The following UST variants were observed in gnomAD, a reference collection of about 807,000 sequenced individuals.
The protein encoded by UST is uronyl 2-sulfotransferase.
Under a neutral mutation model 45.6 loss-of-function variants are expected in UST, and 21 were observed. That is an observed-to-expected ratio of 0.46 (90% CI 0.33 to 0.66). The LOEUF (loss-of-function observed/expected upper bound fraction) is 0.66. UST is among the 30% of genes least tolerant of loss of function. UST has a pLI of 0.02. For synonymous variants in UST, 215 were observed against 200.6 expected, an observed-to-expected ratio of 1.07 and a Z score of -0.61; for missense variants, 463 against 512.4, an observed-to-expected ratio of 0.90 and a Z score of 0.93.
chr6:148,758,448 G>A (rs1298872446), intron 1 of UST, among the ~76,000 whole-genome samples: 1 of 152,084 alleles, frequency 6.6e-6, no homozygotes. Context: ...GAGTATGCTG[G>A]CGCTTACTCT....
intron 1 of UST, among the ~76,000 whole-genome samples, chr6:148,829,727 T>C (rs1005726250): frequency 6.6e-6 from 1 of 152,196 alleles, no homozygotes; most frequent in Non-Finnish European, 1.5e-5. Context: ...TCAGAAACAC[T>C]TGTTTTAATA....
At chr6:148,974,470 G>C (rs1430184755) in intron 5 of UST, among the ~76,000 whole-genome samples, 1 of 152,172 alleles carries the variant, frequency 6.6e-6, no homozygotes, top group Non-Finnish European at 1.5e-5. Flanking sequence ...TTCAGACAGA[G>C]TAGAAATGAT....
intron 1 of UST, among the ~76,000 whole-genome samples, chr6:148,831,954 G>A (rs1392450761): frequency 6.6e-6 from 1 of 152,118 alleles, no homozygotes; most frequent in African/African-American, 2.4e-5. Context: ...TAAACAATGG[G>A]TCTAATACTT....
intron 1 of UST, among the ~76,000 whole-genome samples, chr6:148,755,845 A>G (rs1776084688): frequency 6.6e-6 from 1 of 152,090 alleles, no homozygotes; most frequent in Admixed American, 6.6e-5. Flanking sequence ...GTAATCATCC[A>G]GGTGAAAAAT....
intron 7 of UST, among the ~76,000 whole-genome samples, chr6:149,031,799 G>C (rs533345304): frequency 6.6e-6 from 1 of 152,228 alleles, no homozygotes; most frequent in Non-Finnish European, 1.5e-5. Flanking sequence ...GGGAAGGGCA[G>C]TATAAAGATG....
intron 2 of UST, among the ~76,000 whole-genome samples, chr6:148,892,270 G>T (rs1205193090): frequency 6.6e-6 from 1 of 152,078 alleles, no homozygotes; most frequent in Non-Finnish European, 1.5e-5. Context: ...TGATGTTTCT[G>T]TTGTTTGTGA....
At chr6:148,936,831 G>A (rs772712897) in intron 2 of UST, among the ~76,000 whole-genome samples, 1 of 151,978 alleles carries the variant, frequency 6.6e-6, no homozygotes, top group Non-Finnish European at 1.5e-5. Flanking sequence ...GAGTAGCTGG[G>A]ACTACAGGCA....
intron 1 of UST, among the ~76,000 whole-genome samples, chr6:148,760,798 A>G (rs1224099668): frequency 1.3e-5 from 2 of 152,222 alleles, no homozygotes; most frequent in Non-Finnish European, 2.9e-5. Flanking sequence ...TTAAAAGTTC[A>G]GTTTATCAAT....
intron 1 of UST, among the ~76,000 whole-genome samples, chr6:148,843,556 AATCAT>A (rs1777926757): frequency 6.6e-6 from 1 of 152,154 alleles, no homozygotes; most frequent in Non-Finnish European, 1.5e-5. Context: ...TGTCTCATTT[AATCAT>A]GAAGGTAACT....
At chr6:148,875,350 A>T (rs1052088924) in intron 1 of UST, among the ~76,000 whole-genome samples, 9 of 152,202 alleles carry the variant, frequency 5.9e-5, no homozygotes, top group African/African-American at 1.7e-4. Context: ...ATTGGAAAAA[A>T]TTTTTTGTAA....
At chr6:148,819,238 T>G (rs1440483433) in intron 1 of UST, among the ~76,000 whole-genome samples, 1 of 152,130 alleles carries the variant, frequency 6.6e-6, no homozygotes, top group Admixed American at 6.6e-5. Context: ...AATAATGAAA[T>G]GCAAAGCAAG....
chr6:148,920,956 C>A (rs1305813776), intron 2 of UST, among the ~76,000 whole-genome samples: 2 of 152,194 alleles, frequency 1.3e-5, no homozygotes, highest in Non-Finnish European at 2.9e-5. Context: ...TGAGCCTCTA[C>A]CAGCGAGTGT....
chr6:149,013,526 C>CA (rs71678676), intron 5 of UST, among the ~76,000 whole-genome samples: 26,097 of 145,214 alleles, frequency 0.18, 2,480 homozygotes, highest in Non-Finnish European at 0.22. Context: ...AACTCTGTCT[C>CA]AAAAAAAAAA....
intron 5 of UST, among the ~76,000 whole-genome samples, chr6:148,998,346 A>G (rs1390519367): frequency 6.6e-6 from 1 of 152,232 alleles, no homozygotes; most frequent in Non-Finnish European, 1.5e-5. Context: ...TGGGCTTCTT[A>G]TAACAGGTGA....
Position 148,832,981 on chromosome 6 carries a change from T to C in UST, c.248-54005T>C, listed in dbSNP as rs139929523. On this transcript the variant is annotated intron_variant, in intron 1 of 7. Transcript: ENST00000367463. ...CATGAGAAAAAGCCTTCATCTCAAA[T>C]CGTTAATAACAAGAAAAGAAAGTAT... Among the ~76,000 whole-genome samples the C allele has an allele frequency of 1.4e-4, 22 of 152,288 alleles. No homozygotes were observed. The East Asian group carries it at 3.9e-3, about 27-fold the overall frequency.
At chr6:148,975,744 G>A (rs538112975) in intron 5 of UST, among the ~76,000 whole-genome samples, 3 of 152,218 alleles carry the variant, frequency 2.0e-5, no homozygotes, top group East Asian at 1.9e-4. Flanking sequence ...AAATTAGACC[G>A]TTAAGGAACC....
rs1197057224 is a variant in UST at position 148,879,792 on chromosome 6, A to G, written c.248-7194A>G. Among the ~76,000 whole-genome samples the G allele has an allele frequency of 2.0e-5, 3 of 152,158 alleles. No homozygotes were observed. In the East Asian group the frequency reaches 5.8e-4, roughly 29 times the overall value. ...ATTCCTTACAATAACCTATCAGCTT[A>G]TTTCATTTTCACTGATGTGTACTTG... is the stretch of plus-strand genomic sequence containing the variant. On this transcript the variant is annotated intron_variant, in intron 1 of 7. Transcript: ENST00000367463.
At chr6:148,817,309 C>T (rs1178021895) in intron 1 of UST, among the ~76,000 whole-genome samples, 1 of 152,174 alleles carries the variant, frequency 6.6e-6, no homozygotes, top group East Asian at 1.9e-4. Context: ...TGGAACGCAG[C>T]CATGCACATT....
intron 5 of UST, among the ~76,000 whole-genome samples, chr6:148,970,650 A>G (rs761217789): frequency 1.1e-4 from 16 of 152,184 alleles, no homozygotes; most frequent in Non-Finnish European, 1.9e-4. Flanking sequence ...GAAGCACATG[A>G]ACCACAGCAC....
Sources: allele counts gnomAD v4.1 joint callset (sites outside exome capture counted in the v4.1 genomes callset), GRCh38; gene constraint gnomAD v4.1.1; transcripts MANE v1.5; gene names NCBI Gene and HGNC (gene_info 2026-07-23, HGNC 2026-07-21).